The following NKAIN2 variants were observed in gnomAD, a reference collection of about 807,000 sequenced individuals.
NKAIN2 encodes the protein sodium/potassium transporting ATPase interacting 2.
In NKAIN2, 14 loss-of-function variants were observed where a neutral mutation model predicts 32.6. The ratio of observed to expected loss-of-function variants is 0.43; its 90% confidence interval spans 0.28 to 0.67. The LOEUF (loss-of-function observed/expected upper bound fraction) is 0.67, where lower values mean the gene tolerates loss of function less well. Ranked by LOEUF, NKAIN2 falls within the 30% of genes least tolerant of loss-of-function variation. The probability of loss-of-function intolerance (pLI) is 0.17; values close to 1 mark genes in which losing one functional copy is unlikely to be tolerated. For synonymous variants in NKAIN2, 80 were observed against 87.2 expected (o/e 0.92, Z 0.46); for missense variants, 198 against 258.3 (o/e 0.77, Z 1.60).
chr6:123,849,962 G>GTTTTTTTT (rs1187495506), intron 1 of NKAIN2, among the ~76,000 whole-genome samples: 2 of 22,338 alleles, frequency 9.0e-5, no homozygotes, highest in Non-Finnish European at 8.5e-4. Context: ...TTTTTTTTTT[G>GTTTTTTTT]TTTGTTTGTT....
chr6:124,451,568 G>A (rs1334902531), intron 3 of NKAIN2, among the ~76,000 whole-genome samples: 1 of 152,108 alleles, frequency 6.6e-6, no homozygotes, highest in African/African-American at 2.4e-5. Context: ...GAGGATGAGA[G>A]ACCAATTATG....
intron 1 of NKAIN2, among the ~76,000 whole-genome samples, chr6:124,138,849 C>T (rs1412089275): frequency 6.6e-6 from 1 of 150,560 alleles, no homozygotes; most frequent in African/African-American, 2.4e-5. Flanking sequence ...ATTTTATGTT[C>T]TCATTTTAAG....
intron 1 of NKAIN2, among the ~76,000 whole-genome samples, chr6:123,840,117 C>A (rs1390391012): frequency 6.6e-6 from 1 of 151,862 alleles, no homozygotes; most frequent in Non-Finnish European, 1.5e-5. Context: ...CTTTAGTATT[C>A]ATAAGTATGG....
chr6:124,062,996 C>A (rs1782986650), intron 1 of NKAIN2, among the ~76,000 whole-genome samples: 1 of 151,942 alleles, frequency 6.6e-6, no homozygotes, highest in South Asian at 2.1e-4. Flanking sequence ...AGTTCAAGAC[C>A]AGCCTGGCCA....
chr6:124,456,355 T>G (rs980338131), intron 3 of NKAIN2, among the ~76,000 whole-genome samples: 4 of 151,930 alleles, frequency 2.6e-5, no homozygotes, highest in Admixed American at 6.6e-5. Flanking sequence ...TATCTATCTG[T>G]GTAAATATAT....
intron 1 of NKAIN2, among the ~76,000 whole-genome samples, chr6:124,077,919 T>C (rs1783767880): frequency 6.6e-6 from 1 of 152,084 alleles, no homozygotes; most frequent in East Asian, 1.9e-4. Context: ...AAATTCTTAA[T>C]TCATTTATAT....
chr6:124,483,943 G>T (rs1179016717), intron 3 of NKAIN2, among the ~76,000 whole-genome samples: 2 of 152,184 alleles, frequency 1.3e-5, no homozygotes, highest in Non-Finnish European at 2.9e-5. Context: ...ACAGAATTTT[G>T]CTATGAAATC....
chr6:123,829,827 A>G (rs1236149811), intron 1 of NKAIN2, among the ~76,000 whole-genome samples: 1 of 152,206 alleles, frequency 6.6e-6, no homozygotes, highest in Non-Finnish European at 1.5e-5. Context: ...TAAGCAAAGT[A>G]ACTAACTAAT....
At chr6:123,996,993 G>A (rs1346591714) in intron 1 of NKAIN2, among the ~76,000 whole-genome samples, 2 of 152,084 alleles carry the variant, frequency 1.3e-5, no homozygotes, top group Non-Finnish European at 2.9e-5. Context: ...AGACCTGTAT[G>A]TTGTTCCAAA....
intron 1 of NKAIN2, among the ~76,000 whole-genome samples, chr6:123,980,234 A>G (rs1316870335): frequency 2.6e-5 from 4 of 152,246 alleles, no homozygotes; most frequent in Non-Finnish European, 5.9e-5. Flanking sequence ...AGAGGAAAGC[A>G]CATTTTCTAA....
At chr6:124,659,941 T>A (rs1784686900) in intron 4 of NKAIN2, among the ~76,000 whole-genome samples, 1 of 152,128 alleles carries the variant, frequency 6.6e-6, no homozygotes, top group African/African-American at 2.4e-5. Flanking sequence ...CCATAGACAC[T>A]CCTTCCAATT....
rs1327999519 is a variant in NKAIN2 at position 123,804,069 on chromosome 6, A to G, written c.-132A>G. On this transcript the variant is annotated 5_prime_UTR_variant, in exon 1 of 7. Coordinates refer to ENST00000368417, the MANE Select transcript of NKAIN2 (RefSeq NM_001040214.3). ...GCCTGTCACTTCCCAGGACGCTGGC[A>G]GCAGCAGCAGCCCGGAGCCCCCGAG... 5 of 830,108 alleles carry G rather than the reference A, an allele frequency of 6.0e-6. No homozygotes were observed. The highest frequency in any genetic ancestry group is 3.5e-5 in the Admixed American group (2 of 56,922). 51.4% of individuals were successfully genotyped at this position (830,108 alleles called of 1,614,324 possible).
At chr6:124,411,296 G>T (rs1419465081) in intron 3 of NKAIN2, among the ~76,000 whole-genome samples, 3 of 151,006 alleles carry the variant, frequency 2.0e-5, no homozygotes, top group African/African-American at 2.4e-5. Context: ...TTACAATTTG[G>T]CATGTTTTTG....
intron 1 of NKAIN2, among the ~76,000 whole-genome samples, chr6:124,245,995 T>C (rs749454689): frequency 2.2e-4 from 33 of 152,234 alleles, no homozygotes; most frequent in Admixed American, 8.5e-4. Flanking sequence ...CAAAAGAAGT[T>C]TCAGATTATG....
intron 1 of NKAIN2, among the ~76,000 whole-genome samples, chr6:124,216,713 G>A (rs1344142740): frequency 6.6e-6 from 1 of 152,104 alleles, no homozygotes; most frequent in Non-Finnish European, 1.5e-5. Flanking sequence ...TATTGCACCG[G>A]TTGGCCATGA....
intron 1 of NKAIN2, among the ~76,000 whole-genome samples, chr6:124,015,393 T>C (rs911265565): frequency 6.6e-6 from 1 of 152,240 alleles, no homozygotes; most frequent in African/African-American, 2.4e-5. Flanking sequence ...CTAAATCATA[T>C]TGATTTTTCT....
At chr6:124,107,629 C>A (rs932742069) in intron 1 of NKAIN2, among the ~76,000 whole-genome samples, 16 of 152,072 alleles carry the variant, frequency 1.1e-4, no homozygotes, top group Admixed American at 7.2e-4. Context: ...ACGTTGCATG[C>A]AGATCTCTAG....
intron 3 of NKAIN2, among the ~76,000 whole-genome samples, chr6:124,414,941 C>G (rs536461): frequency 0.16 from 24,557 of 151,710 alleles, 2,279 homozygotes; most frequent in East Asian, 0.24. Flanking sequence ...TAAGAATCAG[C>G]TTTAAAAAAG....
At chr6:124,143,595 C>G (rs747439613) in intron 1 of NKAIN2, among the ~76,000 whole-genome samples, 12 of 152,128 alleles carry the variant, frequency 7.9e-5, no homozygotes, top group Non-Finnish European at 1.6e-4. Flanking sequence ...ACTAATCAGA[C>G]CTAATTGGAA....
Sources: gnomAD v4.1 joint callset for allele counts (sites outside exome capture counted in the v4.1 genomes callset) on GRCh38, gnomAD v4.1.1 for gene constraint, MANE v1.5 for transcripts, NCBI Gene and HGNC (gene_info 2026-07-23, HGNC 2026-07-21) for gene names.